The following LTBP1 variants were observed in gnomAD, a reference collection of about 807,000 sequenced individuals.
LTBP1 encodes the protein latent transforming growth factor beta binding protein 1.
LTBP1 carries 129 observed loss-of-function variants against 207.6 expected under a neutral mutation model. That is an observed-to-expected ratio of 0.62 (90% CI 0.54 to 0.72). The LOEUF (loss-of-function observed/expected upper bound fraction) is 0.72, where lower values mean the gene tolerates loss of function less well. LTBP1 is among the 30% of genes least tolerant of loss of function. The probability of loss-of-function intolerance (pLI) is 0.00; values close to 1 mark genes in which losing one functional copy is unlikely to be tolerated. For synonymous variants in LTBP1, 963 were observed against 833.7 expected (o/e 1.16, Z -2.67); for missense variants, 2,281 against 2,217.2 (o/e 1.03, Z -0.58).
Position 32,985,986 on chromosome 2 carries a change from T to G in LTBP1, c.566-34923T>G, listed in dbSNP as rs192245823. On this transcript the variant is annotated intron_variant, in intron 2 of 33. Coordinates refer to ENST00000404816, the MANE Select transcript of LTBP1 (RefSeq NM_206943.4). ...GGAAGGACATCGCTTATTTGAGGGT[T>G]TCTAAGGGTGTTTTTTTCCTATCAA... Among the ~76,000 whole-genome samples, 41 of 152,262 alleles carry G rather than the reference T, an allele frequency of 2.7e-4. 1 individual carries two copies. The East Asian group carries it at 7.3e-3, about 27-fold the overall frequency.
intron 7 of LTBP1, among the ~76,000 whole-genome samples, chr2:33,207,523 A>G (rs1483247831): frequency 6.6e-6 from 1 of 152,180 alleles, no homozygotes; most frequent in African/African-American, 2.4e-5. Flanking sequence ...GAAAGAAAAA[A>G]ACCTTGCCTA....
chr2:33,014,356 G>A (rs1412388778), intron 2 of LTBP1, among the ~76,000 whole-genome samples: 1 of 152,122 alleles, frequency 6.6e-6, no homozygotes, highest in African/African-American at 2.4e-5. Context: ...CAAGGAGCAA[G>A]CAGACAGAGT....
chr2:33,352,179 T>C (rs1459178014), intron 26 of LTBP1, among the ~76,000 whole-genome samples: 1 of 152,178 alleles, frequency 6.6e-6, no homozygotes, highest in Non-Finnish European at 1.5e-5. Context: ...TCACCCAGGC[T>C]GGAGTGCAGT....
chr2:33,317,729 A>C (rs1012152608), intron 24 of LTBP1: 2 of 152,228 alleles, frequency 1.3e-5, no homozygotes, highest in Non-Finnish European at 2.9e-5. Flanking sequence ...CCTCGTTGAC[A>C]CCAGGGCTGA....
At chr2:33,093,781 TTA>T (rs1355169111) in intron 3 of LTBP1, among the ~76,000 whole-genome samples, 1 of 152,114 alleles carries the variant, frequency 6.6e-6, no homozygotes, top group African/African-American at 2.4e-5. Context: ...CTGAGAACTA[TTA>T]GAGTCATATA....
At chr2:32,978,943 G>A (rs1399886937) in intron 2 of LTBP1, among the ~76,000 whole-genome samples, 3 of 151,798 alleles carry the variant, frequency 2.0e-5, no homozygotes, top group Non-Finnish European at 1.5e-5. Context: ...GGTTGTATGT[G>A]TCTGGGAGTT....
intron 3 of LTBP1, among the ~76,000 whole-genome samples, chr2:33,022,917 A>G (rs1170668231): frequency 1.2e-4 from 19 of 152,164 alleles, no homozygotes; most frequent in Admixed American, 1.2e-3. Context: ...TTTCTCAACC[A>G]TTAAAAAACA....
intron 20 of LTBP1, among the ~76,000 whole-genome samples, chr2:33,294,699 C>T (rs532693434): frequency 3.3e-5 from 5 of 151,484 alleles, no homozygotes; most frequent in South Asian, 2.1e-4. Context: ...CTGCCTCAGC[C>T]GCCTGAGTAG....
intron 3 of LTBP1, among the ~76,000 whole-genome samples, chr2:33,031,531 T>G (rs926741683): frequency 1.4e-4 from 21 of 152,178 alleles, no homozygotes; most frequent in Admixed American, 1.2e-3. Context: ...CCTAATAAGC[T>G]GCTAAACTAT....
At chr2:32,994,992 C>A in intron 2 of LTBP1, among the ~76,000 whole-genome samples, 1 of 152,084 alleles carries the variant, frequency 6.6e-6, no homozygotes, top group East Asian at 1.9e-4. Flanking sequence ...AAGTTCAAGA[C>A]CAACCTGGAC....
intron 4 of LTBP1, among the ~76,000 whole-genome samples, chr2:33,130,055 A>C (rs1425103306): frequency 6.6e-6 from 1 of 152,218 alleles, no homozygotes; most frequent in Non-Finnish European, 1.5e-5. Context: ...AGGAGGAGTT[A>C]AGCAAGCCTG....
At chr2:33,172,258 C>T (rs1281040561) in intron 5 of LTBP1, among the ~76,000 whole-genome samples, 1 of 152,114 alleles carries the variant, frequency 6.6e-6, no homozygotes, top group Admixed American at 6.6e-5. Context: ...TCAGGAAACC[C>T]ATCTCACGTG....
chr2:33,204,093 A>G (rs900592839), intron 7 of LTBP1, among the ~76,000 whole-genome samples: 1 of 152,220 alleles, frequency 6.6e-6, no homozygotes, highest in Non-Finnish European at 1.5e-5. Context: ...TCTGCCCCAT[A>G]AAGTTGTAGT....
chr2:33,012,061 A>G (rs1285516789), intron 2 of LTBP1, among the ~76,000 whole-genome samples: 1 of 152,032 alleles, frequency 6.6e-6, no homozygotes, highest in Non-Finnish European at 1.5e-5. Context: ...TAATAGTTAT[A>G]ATTACTTTCC....
At chr2:33,055,470 G>A (rs1017912352) in intron 3 of LTBP1, among the ~76,000 whole-genome samples, 2 of 152,166 alleles carry the variant, frequency 1.3e-5, no homozygotes, top group African/African-American at 4.8e-5. Flanking sequence ...CATGATCTGA[G>A]TCAAGGTCCC....
chr2:33,124,507 A>G (rs1464689635), intron 4 of LTBP1, among the ~76,000 whole-genome samples: 1 of 152,244 alleles, frequency 6.6e-6, no homozygotes, highest in African/African-American at 2.4e-5. Flanking sequence ...AAACAAAGTC[A>G]AACAATCAGG....
At chr2:33,219,545 T>A (rs2090956847) in intron 8 of LTBP1, among the ~76,000 whole-genome samples, 2 of 152,204 alleles carry the variant, frequency 1.3e-5, no homozygotes, top group African/African-American at 4.8e-5. Flanking sequence ...CCATCTTTTT[T>A]TTTTTAAACC....
At chr2:33,232,334 A>G (rs1359907680) in intron 9 of LTBP1, among the ~76,000 whole-genome samples, 1 of 152,214 alleles carries the variant, frequency 6.6e-6, no homozygotes, top group Non-Finnish European at 1.5e-5. Flanking sequence ...GAGGGTTCAG[A>G]GGAGCCTGAC....
intron 23 of LTBP1, among the ~76,000 whole-genome samples, chr2:33,313,958 G>T (rs2094224680): frequency 6.6e-6 from 1 of 152,154 alleles, no homozygotes; most frequent in Non-Finnish European, 1.5e-5. Context: ...GTCATCTTGG[G>T]CACTGTTAGC....
Sources: gnomAD v4.1 joint callset for allele counts (sites outside exome capture counted in the v4.1 genomes callset) on GRCh38, gnomAD v4.1.1 for gene constraint, MANE v1.5 for transcripts, NCBI Gene and HGNC (gene_info 2026-07-23, HGNC 2026-07-21) for gene names.